Variants in KCNB2 observed in about 807,000 individuals in gnomAD.
The protein encoded by KCNB2 is potassium voltage-gated channel subfamily B member 2.
In KCNB2, 15 loss-of-function variants were observed where a neutral mutation model predicts 61.5. The ratio of observed to expected loss-of-function variants is 0.24; its 90% CI spans 0.16 to 0.38. The LOEUF is 0.38. KCNB2 is among the 10% of genes least tolerant of loss of function. The pLI is 1.00. For synonymous variants in KCNB2, 457 were observed against 446.0 expected, an observed-to-expected ratio of 1.02 and a Z score of -0.31; for missense variants, 828 against 1,125.2, an observed-to-expected ratio of 0.74 and a Z score of 3.78.
intron 2 of KCNB2, among the ~76,000 whole-genome samples, chr8:72,837,184 T>A (rs1809796747): frequency 6.6e-6 from 1 of 152,210 alleles, no homozygotes; most frequent in Non-Finnish European, 1.5e-5. Flanking sequence ...GTTCTCATAA[T>A]TGCCCTTTAT....
At chr8:72,580,706 A>T (rs571682986) in intron 2 of KCNB2, among the ~76,000 whole-genome samples, 1 of 152,154 alleles carries the variant, frequency 6.6e-6, no homozygotes, top group African/African-American at 2.4e-5. Context: ...AAGTTCTCTT[A>T]CCTTTACTTA....
chr8:72,850,825 A>G (rs10103380), intron 2 of KCNB2, among the ~76,000 whole-genome samples: 129,644 of 152,056 alleles, frequency 0.85, 56,236 homozygotes, highest in Middle Eastern at 0.97. Flanking sequence ...GTGTGCATGT[A>G]TGTGATTGTC....
intron 2 of KCNB2, among the ~76,000 whole-genome samples, chr8:72,598,409 G>A (rs935705160): frequency 2.0e-5 from 3 of 152,184 alleles, no homozygotes; most frequent in African/African-American, 4.8e-5. Context: ...AACGCTTCAT[G>A]CTAAAAACTC....
At chr8:72,706,481 A>C (rs1807225858) in intron 2 of KCNB2, among the ~76,000 whole-genome samples, 1 of 152,192 alleles carries the variant, frequency 6.6e-6, no homozygotes, top group Non-Finnish European at 1.5e-5. Context: ...TTGTTCAGGC[A>C]TCAGGATTGC....
At chr8:72,698,558 C>A (rs557958443) in intron 2 of KCNB2, among the ~76,000 whole-genome samples, 41 of 152,188 alleles carry the variant, frequency 2.7e-4, no homozygotes, top group African/African-American at 8.9e-4. Context: ...ATAGCCAAAG[C>A]AATCTTAAGC....
chr8:72,920,929 A>G (rs1450279922), intron 2 of KCNB2, among the ~76,000 whole-genome samples: 1 of 152,174 alleles, frequency 6.6e-6, no homozygotes, highest in Non-Finnish European at 1.5e-5. Context: ...CAGAAACTAT[A>G]GATAAGGTAT....
intron 2 of KCNB2, among the ~76,000 whole-genome samples, chr8:72,706,516 A>G (rs913283964): frequency 2.0e-5 from 3 of 152,172 alleles, no homozygotes; most frequent in Admixed American, 1.3e-4. Flanking sequence ...AGAAAGGTAA[A>G]TTACCAGTTA....
At chr8:72,572,366 T>C (rs1255458674) in intron 2 of KCNB2, among the ~76,000 whole-genome samples, 1 of 152,088 alleles carries the variant, frequency 6.6e-6, no homozygotes, top group South Asian at 2.1e-4. Context: ...GGAGGCAAAA[T>C]CTGCGGAAAC....
chr8:72,744,295 A>G (rs1382328204), intron 2 of KCNB2, among the ~76,000 whole-genome samples: 4 of 152,160 alleles, frequency 2.6e-5, no homozygotes, highest in African/African-American at 9.6e-5. Context: ...AAGAGAAGAA[A>G]TGAGTATTGT....
chr8:72,598,432 G>A (rs1279149345), intron 2 of KCNB2, among the ~76,000 whole-genome samples: 2 of 150,302 alleles, frequency 1.3e-5, no homozygotes, highest in East Asian at 1.9e-4. Flanking sequence ...AATAAATTAG[G>A]TATTGATGGG....
chr8:72,600,281 A>C (rs1165186355), intron 2 of KCNB2, among the ~76,000 whole-genome samples: 1 of 152,188 alleles, frequency 6.6e-6, no homozygotes, highest in Non-Finnish European at 1.5e-5. Flanking sequence ...TGATGAGTTC[A>C]TGTCCTTTGT....
intron 1 of KCNB2, among the ~76,000 whole-genome samples, chr8:72,549,191 G>A (rs1346750157): frequency 6.6e-6 from 1 of 152,118 alleles, no homozygotes; most frequent in Non-Finnish European, 1.5e-5. Context: ...GGCATGGCAG[G>A]GTCCAGGCAT....
At position 72,551,992 on chromosome 8, in the gene KCNB2, G is replaced by A. The variant is rs1420549835; in HGVS notation, c.-94+14107G>A. Among the ~76,000 whole-genome samples, 14 of 152,160 alleles carry A rather than the reference G, an allele frequency of 9.2e-5. No individual in the cohort carries two copies. In the South Asian group the frequency reaches 2.5e-3, roughly 27 times the overall value. ...CCCAAGAACTGCTGTTCAGGGTAGGGCAGGATAGGACCAGAGCAAGTCTGC... is the reference window on the plus strand; with the variant it reads ...CCCAAGAACTGCTGTTCAGGGTAGGACAGGATAGGACCAGAGCAAGTCTGC... On this transcript the variant is annotated intron_variant, in intron 1 of 2. Transcript: ENST00000523207.
At chr8:72,589,399 A>G (rs1211324825) in intron 2 of KCNB2, among the ~76,000 whole-genome samples, 1 of 152,244 alleles carries the variant, frequency 6.6e-6, no homozygotes, top group Non-Finnish European at 1.5e-5. Flanking sequence ...TCTTTTCAGC[A>G]TATGCTCTCC....
chr8:72,758,580 G>C (rs1205385638), intron 2 of KCNB2, among the ~76,000 whole-genome samples: 1 of 152,180 alleles, frequency 6.6e-6, no homozygotes, highest in East Asian at 1.9e-4. Flanking sequence ...TCTCCTGTTT[G>C]TTTTATTCAA....
At chr8:72,725,908 T>C (rs943109922) in intron 2 of KCNB2, among the ~76,000 whole-genome samples, 3 of 152,104 alleles carry the variant, frequency 2.0e-5, no homozygotes, top group African/African-American at 7.2e-5. Flanking sequence ...CATACCCTTT[T>C]GTCCAACAGT....
intron 2 of KCNB2, among the ~76,000 whole-genome samples, chr8:72,852,137 G>C (rs924866396): frequency 6.6e-6 from 1 of 152,148 alleles, no homozygotes; most frequent in Non-Finnish European, 1.5e-5. Context: ...GCGCACATCT[G>C]TAGTCCCAGC....
At chr8:72,579,551 C>T (rs1470295376) in intron 2 of KCNB2, among the ~76,000 whole-genome samples, 2 of 152,164 alleles carry the variant, frequency 1.3e-5, no homozygotes, top group African/African-American at 4.8e-5. Context: ...GAAGCTGATT[C>T]TTCACCCACC....
In KCNB2 at chr8:72,653,414, T is replaced by G. The variant is rs144027826; in HGVS notation, c.579+85101T>G. Among the ~76,000 whole-genome samples the G allele has an allele frequency of 2.6e-5, 4 of 152,206 alleles. No homozygotes were observed. The East Asian group carries it at 7.8e-4, about 29-fold the overall frequency. On this transcript the variant is annotated intron_variant, in intron 2 of 2. Transcript: ENST00000523207. ...TGAGTGCCCTAAAATAGCTTTCCCT[T>G]CTCCCTATCACTCTTGATTCTCTTA...
Sources: gnomAD v4.1 joint callset for allele counts (sites outside exome capture counted in the v4.1 genomes callset) on GRCh38, gnomAD v4.1.1 for gene constraint, MANE v1.5 for transcripts, NCBI Gene and HGNC (gene_info 2026-07-23, HGNC 2026-07-21) for gene names.